Variants in CALN1 observed in about 807,000 individuals in gnomAD.
CALN1 encodes the protein calneuron 1.
Under a neutral mutation model 30.6 loss-of-function variants are expected in CALN1, and 17 were observed. The ratio of observed to expected loss-of-function variants is 0.56; its 90% CI spans 0.38 to 0.83. The LOEUF is 0.83. Among genes scored for constraint, CALN1 ranks in the 40% least tolerant of loss-of-function variants. The probability of loss-of-function intolerance (pLI) is 0.00; values close to 1 mark genes in which losing one functional copy is unlikely to be tolerated. For missense variants in CALN1, 291 were observed against 354.9 expected (o/e 0.82, Z 1.45); for synonymous variants, 156 against 131.4 (o/e 1.19, Z -1.28).
chr7:72,355,455 G>A (rs1448976644), intron 2 of CALN1, among the ~76,000 whole-genome samples: 3 of 152,184 alleles, frequency 2.0e-5, no homozygotes, highest in Non-Finnish European at 4.4e-5. Flanking sequence ...GAACCCAGGA[G>A]ACAGAGGTGG....
intron 5 of CALN1, among the ~76,000 whole-genome samples, chr7:71,973,520 A>G (rs982255050): frequency 1.3e-5 from 2 of 152,140 alleles, no homozygotes; most frequent in African/African-American, 4.8e-5. Context: ...TTTGCACCAT[A>G]GAAATAATGG....
At chr7:72,500,084 G>C in the CALN1 span, among the ~76,000 whole-genome samples, 5 of 149,376 alleles carry the variant, frequency 3.3e-5, no homozygotes, top group African/African-American at 1.2e-4. Context: ...GCTAATTTTT[G>C]TATTTTTAGT....
chr7:72,255,409 T>A (rs566309049), intron 3 of CALN1, among the ~76,000 whole-genome samples: 2 of 148,394 alleles, frequency 1.3e-5, no homozygotes, highest in South Asian at 2.1e-4. Context: ...CTTTTCTTTT[T>A]TTATTATTAT....
In CALN1 at chr7:72,421,573, C is replaced by CTTTTTTT. The variant is rs772198450; in HGVS notation, c.-225-9305_-225-9299dup. Among the ~76,000 whole-genome samples the CTTTTTTT allele has an allele frequency of 1.0e-4, 6 of 58,616 alleles. 2 individuals carry two copies. The highest frequency in any genetic ancestry group is 1.4e-3 in the East Asian group (2 of 1,408). The allele number at this position is 58,616 out of a possible 152,430, so 38.5% of individuals were successfully genotyped here. A position where few individuals can be genotyped will look rare whatever the true frequency, so the allele number is the denominator to read the frequency against. On this transcript the variant is annotated intron_variant, in intron 1 of 6. Coordinates refer to the CALN1 transcript ENST00000395276. Reference sequence around the variant, plus strand: ...GATGATAAGATTTCATTTTATCCTACTTTTTTTTTTTTTTTTTTTTTTTTT... The same window carrying CTTTTTTT: ...GATGATAAGATTTCATTTTATCCTACTTTTTTTTTTTTTTTTTTTTTTTTTTTTTTTT...
chr7:72,194,710 G>A (rs1415888096), intron 3 of CALN1, among the ~76,000 whole-genome samples: 5 of 150,508 alleles, frequency 3.3e-5, no homozygotes, highest in African/African-American at 1.2e-4. Flanking sequence ...TCCTGCCTCG[G>A]CCTCCCAAGT....
At chr7:72,201,933 C>T (rs1018403855) in intron 3 of CALN1, among the ~76,000 whole-genome samples, 5 of 152,140 alleles carry the variant, frequency 3.3e-5, no homozygotes, top group Non-Finnish European at 7.3e-5. Flanking sequence ...TACGTCCGGA[C>T]AGACCTTGCT....
intron 4 of CALN1, among the ~76,000 whole-genome samples, chr7:72,040,669 C>T (rs73369830): frequency 0.027 from 4,100 of 152,156 alleles, 177 homozygotes; most frequent in African/African-American, 0.094. Context: ...CACACATGCG[C>T]AGAGAAAATG....
intron 5 of CALN1, among the ~76,000 whole-genome samples, chr7:71,962,461 T>C (rs1797297757): frequency 6.6e-6 from 1 of 151,978 alleles, no homozygotes; most frequent in Non-Finnish European, 1.5e-5. Context: ...CAATACCGAG[T>C]CCATGCTGCG....
chr7:72,036,268 A>G (rs1414131004), intron 4 of CALN1, among the ~76,000 whole-genome samples: 3 of 152,178 alleles, frequency 2.0e-5, no homozygotes, highest in Admixed American at 6.5e-5. Flanking sequence ...ACGGCTACAA[A>G]GATTCTCTTT....
At chr7:72,468,194 A>C in the CALN1 span, among the ~76,000 whole-genome samples, 1 of 152,208 alleles carries the variant, frequency 6.6e-6, no homozygotes, top group Non-Finnish European at 1.5e-5. Flanking sequence ...TGTGAATAGT[A>C]CTGCTACAAA....
intron 3 of CALN1, among the ~76,000 whole-genome samples, chr7:72,278,471 G>GCACA (rs1562830253): frequency 4.3e-5 from 4 of 93,224 alleles, no homozygotes; most frequent in Admixed American, 1.3e-4. Context: ...TATCAGGTCT[G>GCACA]TACACACACA....
chr7:72,122,029 T>C (rs534800407), intron 3 of CALN1, among the ~76,000 whole-genome samples: 14 of 151,766 alleles, frequency 9.2e-5, no homozygotes, highest in Admixed American at 2.6e-4. Flanking sequence ...CTCCACAAAA[T>C]AGTCATTCGT....
At chr7:72,266,857 C>T (rs1012868481) in intron 3 of CALN1, among the ~76,000 whole-genome samples, 7 of 152,164 alleles carry the variant, frequency 4.6e-5, no homozygotes, top group Non-Finnish European at 8.8e-5. Flanking sequence ...GCTAACAAAG[C>T]CTCACAACTC....
intron 5 of CALN1, among the ~76,000 whole-genome samples, chr7:72,001,092 C>T (rs867817615): frequency 6.6e-6 from 1 of 151,662 alleles, no homozygotes; most frequent in African/African-American, 2.4e-5. Context: ...CACTAAATAA[C>T]AGTAATTGGT....
intron 3 of CALN1, among the ~76,000 whole-genome samples, chr7:72,123,116 C>G (rs928800678): frequency 4.6e-5 from 7 of 152,154 alleles, no homozygotes; most frequent in African/African-American, 1.7e-4. Context: ...CCCGATAGAA[C>G]AAGAGGACAG....
chr7:72,386,880 C>CAATAT (rs1239058720), intron 2 of CALN1, among the ~76,000 whole-genome samples: 1 of 152,000 alleles, frequency 6.6e-6, no homozygotes, highest in Non-Finnish European at 1.5e-5. Context: ...AGTATAGATA[C>CAATAT]AGATGGTTAC....
intron 4 of CALN1, among the ~76,000 whole-genome samples, chr7:72,052,746 G>A (rs563333316): frequency 5.5e-4 from 84 of 152,278 alleles, no homozygotes; most frequent in Non-Finnish European, 1.1e-3. Context: ...AACTCACCCC[G>A]TCTCAGTGAC....
chr7:71,998,169 G>A (rs940642146), intron 5 of CALN1, among the ~76,000 whole-genome samples: 3 of 151,924 alleles, frequency 2.0e-5, no homozygotes, highest in African/African-American at 7.3e-5. Context: ...CTAGAAATGA[G>A]GGGAAATAAA....
At chr7:72,322,306 C>T (rs145179128) in intron 2 of CALN1, among the ~76,000 whole-genome samples, 7 of 152,184 alleles carry the variant, frequency 4.6e-5, no homozygotes, top group Non-Finnish European at 8.8e-5. Flanking sequence ...TGACAGGAGG[C>T]GGAGCTCAGG....
Sources: allele counts gnomAD v4.1 joint callset (sites outside exome capture counted in the v4.1 genomes callset), GRCh38; gene constraint gnomAD v4.1.1; transcripts MANE v1.5; gene names NCBI Gene and HGNC (gene_info 2026-07-23, HGNC 2026-07-21).